C12orf56: variants seen among roughly 807,000 people sequenced by gnomAD.
C12orf56 encodes uncharacterized protein C12orf56.
C12orf56 carries 71 observed loss-of-function variants against 69.9 expected under a neutral mutation model. The ratio of observed to expected loss-of-function variants is 1.02; its 90% CI spans 0.84 to 1.24. The LOEUF (loss-of-function observed/expected upper bound fraction) is 1.24. C12orf56 is among the 50% of genes most tolerant of loss of function. The probability of loss-of-function intolerance (pLI) is 0.00; values close to 1 mark genes in which losing one functional copy is unlikely to be tolerated. For synonymous variants in C12orf56, 276 were observed against 274.1 expected, an observed-to-expected ratio of 1.01 and a Z score of -0.07; for missense variants, 732 against 738.5, an observed-to-expected ratio of 0.99 and a Z score of 0.10.
At chr12:64,342,203 G>A (rs566904898) in intron 2 of C12orf56, among the ~76,000 whole-genome samples, 3 of 152,320 alleles carry the variant, frequency 2.0e-5, no homozygotes, top group Admixed American at 1.3e-4. Context: ...GGCAGTCCCT[G>A]ACCATCCACC....
At chr12:64,287,132 T>C (rs2038213825) in intron 6 of C12orf56, among the ~76,000 whole-genome samples, 1 of 151,518 alleles carries the variant, frequency 6.6e-6, no homozygotes, top group East Asian at 1.9e-4. Context: ...TAATCCCAGC[T>C]ACTTGGGAGG....
At position 64,264,985 on chromosome 12, in the gene C12orf56, G is replaced by A. The variant is rs1446390782; in HGVS notation, c.*2198C>T. 1 of 152,190 alleles carries A rather than the reference G, an allele frequency of 6.6e-6. No individual in the cohort carries two copies. The highest frequency in any genetic ancestry group is 2.4e-5 in the African/African-American group (1 of 41,436). 9.4% of individuals were successfully genotyped at this position (152,190 alleles called of 1,614,324 possible). On this transcript the variant is annotated 3_prime_UTR_variant, in exon 13 of 13. Transcript: ENST00000543942. ...AAGTAAGATCCCAGGGCAAAGAGAG[G>A]AGTGGGAGAGGCATGCAGAAATCAT...
At chr12:64,311,367 C>T (rs941768985) in intron 5 of C12orf56, among the ~76,000 whole-genome samples, 5 of 150,930 alleles carry the variant, frequency 3.3e-5, no homozygotes, top group Middle Eastern at 3.2e-3. Context: ...GAGCCAAGAT[C>T]GCTCCACTGC....
intron 9 of C12orf56, among the ~76,000 whole-genome samples, chr12:64,276,993 T>TAAAAAAAAAAAAAAAAAAAAAAAAAAA (rs200351319): frequency 1.4e-5 from 1 of 69,218 alleles, no homozygotes; most frequent in African/African-American, 5.8e-5. Context: ...AACCCTTTCT[T>TAAAAAAAAAAAAAAAAAAAAAAAAAAA]AAAAAAAAAA....
Position 64,318,935 on chromosome 12 carries a change from A to G in C12orf56, c.534T>C (p.Cys178=). The change falls in exon 4 of 13, where the codon TGT becomes TGC. Residue 178 remains cysteine (C), a synonymous_variant. Coordinates refer to ENST00000543942, the MANE Select transcript of C12orf56 (RefSeq NM_001170633.2). ...ACAGCTTTTTGAGGCCTGGACGAGG[A>G]CAGAGAGTTGAGTCCTTGGATGGTG... is the stretch of plus-strand genomic sequence containing the variant. The part of the protein sequence containing the change: ...SSTPSKDSTL[C]PRPGLKKLSL... 1 of 1,535,028 alleles carries G rather than the reference A, an allele frequency of 6.5e-7. No homozygotes were observed. The highest frequency in any genetic ancestry group is 8.7e-7 in the Non-Finnish European group (1 of 1,145,834).
intron 1 of C12orf56, among the ~76,000 whole-genome samples, chr12:64,376,613 A>G (rs1475839418): frequency 3.4e-5 from 3 of 87,108 alleles, no homozygotes; most frequent in African/African-American, 1.3e-4. Context: ...CCCTTCTCCC[A>G]CCCCCACCCT....
In C12orf56 at chr12:64,336,471, G is replaced by A. The variant is rs192963023; in HGVS notation, c.416-5439C>T. Among the ~76,000 whole-genome samples the A allele has an allele frequency of 3.5e-4, 53 of 151,734 alleles. No homozygotes were observed. In the East Asian group the frequency reaches 9.3e-3, roughly 27 times the overall value. On this transcript the variant is annotated intron_variant, in intron 2 of 12. Coordinates refer to ENST00000543942, the MANE Select transcript of C12orf56 (RefSeq NM_001170633.2). ...TATGTGTTTTTATTTTCCTATACACGTTGAAGGAAAAAAAAAGCCAAGAAT... is the reference window on the plus strand; with the variant it reads ...TATGTGTTTTTATTTTCCTATACACATTGAAGGAAAAAAAAAGCCAAGAAT...
chr12:64,307,425 C>T (rs4351909), intron 5 of C12orf56, among the ~76,000 whole-genome samples: 58,942 of 145,652 alleles, frequency 0.4, 11,992 homozygotes, highest in African/African-American at 0.43. Context: ...GCTGGAGTGC[C>T]GTGGCACAAT....
chr12:64,270,776 G>C, intron 11 of C12orf56, 62 bp from the exon 12 acceptor site: 1 of 1,407,842 alleles, frequency 7.1e-7, no homozygotes, highest in Non-Finnish European at 9.7e-7. Flanking sequence ...AACTATTTCA[G>C]CTGGAGCTTC....
At chr12:64,353,751 C>T (rs1254172271) in intron 1 of C12orf56, among the ~76,000 whole-genome samples, 3 of 151,576 alleles carry the variant, frequency 2.0e-5, no homozygotes, top group African/African-American at 7.3e-5. Context: ...GCACAATCTC[C>T]GCTCACTACA....
At chr12:64,308,585 G>A (rs1399563615) in intron 5 of C12orf56, among the ~76,000 whole-genome samples, 1 of 151,244 alleles carries the variant, frequency 6.6e-6, no homozygotes, top group Non-Finnish European at 1.5e-5. Context: ...GCTCATGTCT[G>A]TAATCCCAGC....
At chr12:64,387,077 C>CAACAAAAAAAAAAAAAAAA (rs1201123599) in intron 1 of C12orf56, among the ~76,000 whole-genome samples, 5 of 42,106 alleles carry the variant, frequency 1.2e-4, no homozygotes, top group African/African-American at 5.5e-4. Context: ...GACTCTATCT[C>CAACAAAAAAAAAAAAAAAA]AAAAAAAAAA....
In C12orf56 at chr12:64,303,680, T is replaced by A. The variant is rs201198805; in HGVS notation, c.1068A>T (p.Lys356Asn). 1 of 1,574,300 alleles carries A rather than the reference T, an allele frequency of 6.4e-7. No homozygotes were observed. Among genetic ancestry groups the A allele is most frequent in the Non-Finnish European group, 8.6e-7 (1 of 1,160,336 alleles). The stretch of plus-strand genomic sequence containing the variant: ...GAATGAAGTTTTTCTGGGCTGCTAC[T>A]TTAAGTTCCATAAGTAAAGAAAGTA... ...RRILSLLMEL[K>N]VAAQKNFILK... The change falls in exon 6 of 13, where the codon AAA becomes AAT. Residue 356 changes from lysine (K) to asparagine (N), a missense_variant. By Grantham distance (94) the Lys-to-Asn change is moderately conservative. Coordinates refer to ENST00000543942, the MANE Select transcript of C12orf56 (RefSeq NM_001170633.2).
intron 9 of C12orf56, among the ~76,000 whole-genome samples, chr12:64,277,453 T>C (rs978313523): frequency 3.3e-5 from 5 of 152,106 alleles, no homozygotes; most frequent in Non-Finnish European, 5.9e-5. Context: ...AAAAGGGATA[T>C]ATTAATATTG....
chr12:64,362,419 T>C (rs11175363), intron 1 of C12orf56, among the ~76,000 whole-genome samples: 41,421 of 151,912 alleles, frequency 0.27, 5,905 homozygotes, highest in Middle Eastern at 0.47. Flanking sequence ...AGGCCGGGCG[T>C]GGTGGCTCAC....
chr12:64,365,804 A>G (rs1280124587), intron 1 of C12orf56, among the ~76,000 whole-genome samples: 1 of 140,714 alleles, frequency 7.1e-6, no homozygotes, highest in Admixed American at 7.5e-5. Flanking sequence ...TATATTATGT[A>G]TAATATATAG....
Position 64,390,530 on chromosome 12 carries a change from G to A in C12orf56, c.36C>T (p.Arg12=). ...GGAACACATCCAGGCGGCTGTTCCT[G>A]CGCGCGGGGAAGCCGGACGGCAAGG... ...ASPLPSGFPA[R]RNSRLDVFLR... Residue 12 remains arginine (R), a synonymous_variant, in exon 1 of 13, where the codon CGC becomes CGT. Coordinates refer to ENST00000543942, the MANE Select transcript of C12orf56 (RefSeq NM_001170633.2). 3.1e-6 allele frequency: 5 copies of A among 1,596,648 alleles called. No individual in the cohort carries two copies. In the South Asian group the frequency reaches 5.5e-5, roughly 18 times the overall value.
At chr12:64,357,303 G>A (rs970302721) in intron 1 of C12orf56, among the ~76,000 whole-genome samples, 3 of 152,034 alleles carry the variant, frequency 2.0e-5, no homozygotes, top group Non-Finnish European at 2.9e-5. Context: ...TTGTTTTATG[G>A]GAGATTTGTC....
chr12:64,270,478 A>G (rs2037970272), intron 12 of C12orf56, 58 bp downstream of exon 12: 3 of 1,343,778 alleles, frequency 2.2e-6, no homozygotes, highest in East Asian at 2.6e-5. Context: ...GCAGGTTTGC[A>G]TGAACTCAGA....
Sources: gnomAD v4.1 joint callset for allele counts (sites outside exome capture counted in the v4.1 genomes callset) on GRCh38, gnomAD v4.1.1 for gene constraint, MANE v1.5 for transcripts, NCBI Gene and HGNC (gene_info 2026-07-23, HGNC 2026-07-21) for gene names.